SH3TC2: variants seen among roughly 807,000 people sequenced by gnomAD.
SH3TC2 encodes the protein SH3 domain and tetratricopeptide repeats 2, also known as SH3 domain and tetratricopeptide repeat-containing protein 2.
In SH3TC2, 87 loss-of-function variants were observed where a neutral mutation model predicts 124.5. The observed-to-expected ratio is 0.70, with a 90% CI of 0.59 to 0.84. The LOEUF (loss-of-function observed/expected upper bound fraction) is 0.84, where lower values mean the gene tolerates loss of function less well. Among genes scored for constraint, SH3TC2 ranks in the 40% least tolerant of loss-of-function variants. The pLI is 0.00. For missense variants in SH3TC2, 1,536 were observed against 1,566.4 expected, an observed-to-expected ratio of 0.98 and a Z score of 0.33; for synonymous variants, 634 against 628.5, an observed-to-expected ratio of 1.01 and a Z score of -0.13.
Position 149,031,660 on chromosome 5 carries a change from A to G in SH3TC2, c.1029T>C (p.Asp343=), listed in dbSNP as rs779061354. The G allele has an allele frequency of 1.9e-6, 3 of 1,614,056 alleles. No individual in the cohort carries two copies. The part of the protein sequence containing the change: ...PMSRNSAFLS[D]EERCSLLALG... ...GGGCCAACAGGGAGCATCTCTCCTC[A>G]TCACTGAGAAAGGCAGAGTTCCTGC... Residue 343 remains aspartate, a synonymous_variant, in exon 9 of 17, where the codon GAT becomes GAC. Transcript: ENST00000515425.
At chr5:149,008,535 A>C in intron 15 of SH3TC2, 1 of 445,366 alleles carries the variant, frequency 2.2e-6, no homozygotes, top group South Asian at 2.2e-5. Context: ...GTAATATAAT[A>C]ATAGTGTGGC....
rs916409880 is a variant in SH3TC2 at position 148,988,120 on chromosome 5, C to T, written c.*16591G>A. ...ACAAGGCTGGGTTCTTTTGGCCTTACTGGGTAATAAAAACTCTATGCACAC... is the reference window on the plus strand; with the variant it reads ...ACAAGGCTGGGTTCTTTTGGCCTTATTGGGTAATAAAAACTCTATGCACAC... On this transcript the variant is annotated 3_prime_UTR_variant, in exon 17 of 17. Transcript: ENST00000515425. 6.6e-6 allele frequency among the ~76,000 whole-genome samples: 1 copy of T among 152,094 alleles called. No homozygotes were observed. Among genetic ancestry groups the T allele is most frequent in the African/African-American group, 2.4e-5 (1 of 41,404 alleles).
chr5:149,051,013 G>T (rs952364206), intron 2 of SH3TC2, among the ~76,000 whole-genome samples: 16 of 152,118 alleles, frequency 1.1e-4, no homozygotes, highest in African/African-American at 3.9e-4. Context: ...CGATGGGCAA[G>T]CAAAAATGAG....
chr5:148,999,447 C>T lies in SH3TC2; in HGVS notation c.*5264G>A, dbSNP rs548009546. Among the ~76,000 whole-genome samples the T allele has an allele frequency of 3.9e-5, 6 of 152,304 alleles. No individual in the cohort carries two copies. The East Asian group carries it at 1.2e-3, about 29-fold the overall frequency. On this transcript the variant is annotated 3_prime_UTR_variant, in exon 17 of 17. Transcript: ENST00000515425. ...CATTACATTGCCCCCACCTGAGCTG[C>T]CACCTGAGTGAGTGCAGAGCCCATT...
At chr5:149,020,174 A>G (rs1328823709) in intron 12 of SH3TC2, among the ~76,000 whole-genome samples, 1 of 150,804 alleles carries the variant, frequency 6.6e-6, no homozygotes, top group African/African-American at 2.4e-5. Flanking sequence ...GATGTCCATA[A>G]AAAGTTTTAA....
intron 12 of SH3TC2, among the ~76,000 whole-genome samples, chr5:149,017,731 A>G (rs568900147): frequency 6.6e-6 from 1 of 152,326 alleles, no homozygotes; most frequent in South Asian, 2.1e-4. Context: ...CCTCCATACA[A>G]TTCTACAAGG....
In SH3TC2 at chr5:149,014,015, A is replaced by C. The variant is rs539671913; in HGVS notation, c.3054-1281T>G. 2.0e-5 allele frequency among the ~76,000 whole-genome samples: 3 copies of C among 152,256 alleles called. No individual in the cohort carries two copies. The South Asian group carries it at 6.2e-4, about 32-fold the overall frequency. ...CTTGCTGATCTAGTCCAATCTTCTT[A>C]TTTTATAGAGGAAACAAGCCCAGAA... On this transcript the variant is annotated intron_variant, in intron 12 of 16. Transcript: ENST00000515425.
Position 149,042,751 on chromosome 5 carries a change from C to T in SH3TC2, c.472G>A (p.Val158Met). Residue 158 changes from valine to methionine, a missense_variant, in exon 5 of 17, where the codon GTG becomes ATG. Val to Met is a conservative substitution (Grantham distance 21). Around this residue, in one of 3 missense-constraint regions of SH3TC2, gnomAD observed 1,102 missense variants for 1,098.6 expected, o/e 1.00. Coordinates refer to ENST00000515425, the MANE Select transcript of SH3TC2 (RefSeq NM_024577.4). ...TCCAGGTGTTTATCATCTACAGACA[C>T]TTGGATCTCTGTATCCTCCACCAAT... is the stretch of plus-strand genomic sequence containing the variant. ...CILVEDTEIQVSVDDKHLETI... is the reference protein window; with the variant it reads ...CILVEDTEIQMSVDDKHLETI... The T allele has an allele frequency of 1.2e-6, 2 of 1,614,166 alleles. No homozygotes were observed.
rs1021916882 is a variant in SH3TC2 at position 149,000,933 on chromosome 5, C to G, written c.*3778G>C. 6.6e-6 allele frequency among the ~76,000 whole-genome samples: 1 copy of G among 152,136 alleles called. No homozygotes were observed. The highest frequency in any genetic ancestry group is 6.5e-5 in the Admixed American group (1 of 15,268). On this transcript the variant is annotated 3_prime_UTR_variant, in exon 17 of 17. Transcript: ENST00000515425. ...ATAAAAATAGCACTGCTGAAAAACC[C>G]AGAGGTGAGGTTCTTTTATCAGAGG...
intron 12 of SH3TC2, among the ~76,000 whole-genome samples, chr5:149,019,728 T>C (rs1753936049): frequency 6.6e-6 from 1 of 152,200 alleles, no homozygotes; most frequent in Non-Finnish European, 1.5e-5. Flanking sequence ...AACGGCGGAA[T>C]CTTGTTACGA....
intron 2 of SH3TC2, among the ~76,000 whole-genome samples, chr5:149,049,644 G>C (rs1396221724): frequency 6.6e-6 from 1 of 152,056 alleles, no homozygotes; most frequent in East Asian, 1.9e-4. Flanking sequence ...GGTGGCCTGG[G>C]CATGGTGGTG....
Position 149,031,651 on chromosome 5 carries a change from T to C in SH3TC2, c.1038A>G (p.Arg346=). The C allele has an allele frequency of 6.2e-7, 1 of 1,614,076 alleles. No individual in the cohort carries two copies. The highest frequency in any genetic ancestry group is 8.5e-7 in the Non-Finnish European group (1 of 1,180,010). The change falls in exon 9 of 17, where the codon AGA becomes AGG. Residue 346 remains arginine (R), a synonymous_variant. Coordinates refer to ENST00000515425, the MANE Select transcript of SH3TC2 (RefSeq NM_024577.4). ...RNSAFLSDEE[R]CSLLALGSDK... ...CACTTCCCAGGGCCAACAGGGAGCA[T>C]CTCTCCTCATCACTGAGAAAGGCAG...
chr5:149,029,879 C>G (rs1754153597), intron 9 of SH3TC2, among the ~76,000 whole-genome samples: 3 of 152,146 alleles, frequency 2.0e-5, no homozygotes, highest in Admixed American at 6.5e-5. Context: ...GATTCTACCT[C>G]TTCTTAGCAG....
chr5:149,023,538 G>A (rs1234792657), intron 12 of SH3TC2, among the ~76,000 whole-genome samples: 3 of 149,586 alleles, frequency 2.0e-5, no homozygotes, highest in Non-Finnish European at 4.4e-5. Flanking sequence ...GAAGTTGGAA[G>A]GGGACCTTTA....
At chr5:149,014,827 C>T (rs543174083) in intron 12 of SH3TC2, among the ~76,000 whole-genome samples, 40 of 152,314 alleles carry the variant, frequency 2.6e-4, no homozygotes, top group African/African-American at 7.2e-4. Flanking sequence ...AAACTCAAGC[C>T]GGGTTGAGAT....
chr5:149,004,977 G>T (rs1753661771), intron 16 of SH3TC2, 75 bp from the exon 17 acceptor site: 3 of 1,547,272 alleles, frequency 1.9e-6, no homozygotes, highest in Non-Finnish European at 2.7e-6. Flanking sequence ...AGGCTGTGCT[G>T]GCCACTCTAG....
In SH3TC2 at chr5:148,994,596, TTAGA is replaced by T. The variant is rs777886659; in HGVS notation, c.*10111_*10114del. ...GTTGGGTATGTGGGTGGTTGGGTGG[TTAGA>T]TGGTTGGTTGGTTGGTTGGTTGGTT... On this transcript the variant is annotated 3_prime_UTR_variant, in exon 17 of 17. Coordinates refer to ENST00000515425, the MANE Select transcript of SH3TC2 (RefSeq NM_024577.4). 4.7e-3 allele frequency among the ~76,000 whole-genome samples: 634 copies of T among 135,566 alleles called. 4 individuals are homozygous for T. Among genetic ancestry groups the T allele is most frequent in the Non-Finnish European group, 6.8e-3 (433 of 63,520 alleles). The allele number at this position is 135,566 out of a possible 152,430, so 88.9% of individuals were successfully genotyped here. A position where few individuals can be genotyped will look rare whatever the true frequency, so the allele number is the denominator to read the frequency against.
intron 14 of SH3TC2, among the ~76,000 whole-genome samples, chr5:149,009,575 G>A (rs1223817675): frequency 6.6e-6 from 1 of 152,124 alleles, no homozygotes; most frequent in African/African-American, 2.4e-5. Flanking sequence ...AGCATTTGAT[G>A]ACTGAATAAA....
At chr5:149,038,250 G>A in intron 8 of SH3TC2, 45 bp downstream of exon 8, 2 of 1,597,040 alleles carry the variant, frequency 1.3e-6, no homozygotes, top group Non-Finnish European at 1.7e-6. Flanking sequence ...GGGAACCCTG[G>A]GAAAGGGAGC....
Sources: allele counts gnomAD v4.1 joint callset (sites outside exome capture counted in the v4.1 genomes callset), GRCh38; gene constraint gnomAD v4.1.1; regional missense constraint gnomAD v4.1.1; transcripts MANE v1.5; gene names NCBI Gene and HGNC (gene_info 2026-07-23, HGNC 2026-07-21).